CNBD1: variants seen among roughly 807,000 people sequenced by gnomAD.
CNBD1 encodes the protein cyclic nucleotide-binding domain-containing protein 1.
A neutral mutation model predicts 54.4 loss-of-function variants in CNBD1; 71 were observed. The observed-to-expected ratio is 1.30, with a 90% CI of 1.08 to 1.59. CNBD1 has a LOEUF of 1.59. Ranked by LOEUF, CNBD1 falls within the 40% of genes most tolerant of loss-of-function variation. The probability of loss-of-function intolerance (pLI) is 0.00; values close to 1 mark genes in which losing one functional copy is unlikely to be tolerated. For missense variants in CNBD1, 659 were observed against 518.0 expected (o/e 1.27, Z -2.64); for synonymous variants, 182 against 170.7 (o/e 1.07, Z -0.51).
chr8:86,877,768 T>C (rs1346147133), intron 1 of CNBD1, among the ~76,000 whole-genome samples: 2 of 152,180 alleles, frequency 1.3e-5, no homozygotes, highest in Admixed American at 6.5e-5. Context: ...ATTATATCTT[T>C]GAGCATTTTT....
At chr8:87,271,342 C>T (rs1018922149) in intron 6 of CNBD1, among the ~76,000 whole-genome samples, 8 of 151,446 alleles carry the variant, frequency 5.3e-5, no homozygotes, top group Non-Finnish European at 1.0e-4. Context: ...TCATTATGTT[C>T]TTTATTTGAA....
rs779280180 is a variant in CNBD1, at chr8:86,995,038, G to A, written c.431+55284G>A. 3.9e-5 allele frequency among the ~76,000 whole-genome samples: 6 copies of A among 152,096 alleles called. No homozygotes were observed. In the East Asian group the frequency reaches 1.2e-3, roughly 29 times the overall value. On this transcript the variant is annotated intron_variant, in intron 4 of 10. Transcript: ENST00000518476. ...AAAATGAAGGAACAACTTGTATGAG[G>A]ATCTTTAGATGAGAATGCTTTTAGA...
chr8:87,238,419 A>G (rs924100164), intron 6 of CNBD1, among the ~76,000 whole-genome samples: 3 of 152,130 alleles, frequency 2.0e-5, no homozygotes, highest in African/African-American at 7.2e-5. Context: ...AACAGACCCA[A>G]ACCAAAACTT....
intron 8 of CNBD1, among the ~76,000 whole-genome samples, chr8:87,327,009 T>C (rs1470484912): frequency 6.7e-6 from 1 of 149,156 alleles, no homozygotes; most frequent in African/African-American, 2.5e-5. Context: ...TGTTTGTTAG[T>C]TTTCCTTCTA....
chr8:87,259,132 A>C lies in CNBD1; in HGVS notation c.771+22020A>C, dbSNP rs187223267. On this transcript the variant is annotated intron_variant, in intron 6 of 10. Coordinates refer to ENST00000518476, the MANE Select transcript of CNBD1 (RefSeq NM_173538.3). ...TAACAATTTTCACTTTTGGTGCATA[A>C]ATTTTCTTTTATAAATCCTTTCACA... Among the ~76,000 whole-genome samples, 52 of 152,180 alleles carry C rather than the reference A, an allele frequency of 3.4e-4. 1 individual carries two copies. The East Asian group carries it at 9.3e-3, about 27-fold the overall frequency.
intron 8 of CNBD1, among the ~76,000 whole-genome samples, chr8:87,309,819 A>G (rs10106158): frequency 0.98 from 149,167 of 152,160 alleles, 73,134 homozygotes; most frequent in East Asian, 1. Flanking sequence ...TACCATATTG[A>G]AAGTCCTAGC....
intron 2 of CNBD1, among the ~76,000 whole-genome samples, chr8:87,428,192 A>G (rs1228987595): frequency 6.6e-6 from 1 of 152,098 alleles, no homozygotes; most frequent in Non-Finnish European, 1.5e-5. Context: ...CAAAAAACCC[A>G]AATATCTAGT....
chr8:87,389,905 G>C (rs1342650492), intron 2 of CNBD1, among the ~76,000 whole-genome samples: 1 of 152,110 alleles, frequency 6.6e-6, no homozygotes, highest in Non-Finnish European at 1.5e-5. Flanking sequence ...CAGAGATATA[G>C]ACCAATGGAA....
At chr8:87,367,131 C>T (rs909572966) in intron 10 of CNBD1, among the ~76,000 whole-genome samples, 1 of 152,014 alleles carries the variant, frequency 6.6e-6, no homozygotes, top group Non-Finnish European at 1.5e-5. Flanking sequence ...TTATATGTGG[C>T]CTACATAGGA....
chr8:87,370,176 C>T (rs555471132), intron 10 of CNBD1, among the ~76,000 whole-genome samples: 3,470 of 151,308 alleles, frequency 0.023, 132 homozygotes, highest in African/African-American at 0.077. Flanking sequence ...TGAATAGTGC[C>T]GCAATAAACA....
chr8:87,082,286 A>G (rs1297886640), intron 4 of CNBD1, among the ~76,000 whole-genome samples: 3 of 151,926 alleles, frequency 2.0e-5, no homozygotes, highest in Non-Finnish European at 4.4e-5. Flanking sequence ...TTTAACTGTA[A>G]TTTTCCACTA....
intron 5 of CNBD1, among the ~76,000 whole-genome samples, chr8:87,214,660 A>G (rs1205101407): frequency 6.6e-6 from 1 of 152,226 alleles, no homozygotes; most frequent in Non-Finnish European, 1.5e-5. Flanking sequence ...TAAAAGAAAG[A>G]GATTTAATAA....
At position 87,004,116 on chromosome 8, in the gene CNBD1, G is replaced by A. The variant is rs117534146; in HGVS notation, c.431+64362G>A. On this transcript the variant is annotated intron_variant, in intron 4 of 10. Coordinates refer to ENST00000518476, the MANE Select transcript of CNBD1 (RefSeq NM_173538.3). ...TAGTGAATATCAATGAACTATTGGTGCAATGATTTATAAATTGCTGGAGAC... is the reference window on the plus strand; with the variant it reads ...TAGTGAATATCAATGAACTATTGGTACAATGATTTATAAATTGCTGGAGAC... Among the ~76,000 whole-genome samples the A allele has an allele frequency of 1.7e-4, 26 of 152,262 alleles. No homozygotes were observed. In the East Asian group the frequency reaches 4.6e-3, roughly 27 times the overall value.
At chr8:86,886,461 A>T (rs1808682201) in intron 1 of CNBD1, among the ~76,000 whole-genome samples, 1 of 152,160 alleles carries the variant, frequency 6.6e-6, no homozygotes, top group Admixed American at 6.6e-5. Flanking sequence ...ATATGGATAT[A>T]TATGATATGA....
intron 10 of CNBD1, among the ~76,000 whole-genome samples, chr8:87,371,316 G>A (rs1810788373): frequency 6.6e-6 from 1 of 151,888 alleles, no homozygotes; most frequent in African/African-American, 2.4e-5. Flanking sequence ...AATTACCTTG[G>A]GCAGTATGGC....
intron 4 of CNBD1, among the ~76,000 whole-genome samples, chr8:87,018,084 A>G (rs1809405512): frequency 6.6e-6 from 1 of 152,062 alleles, no homozygotes; most frequent in Non-Finnish European, 1.5e-5. Context: ...TCTCTACTGA[A>G]AATGCAAAAT....
intron 5 of CNBD1, among the ~76,000 whole-genome samples, chr8:87,233,365 G>A (rs1752581303): frequency 6.6e-6 from 1 of 152,092 alleles, no homozygotes; most frequent in Non-Finnish European, 1.5e-5. Flanking sequence ...TGAATATCAC[G>A]ATAATGTGAG....
intron 4 of CNBD1, among the ~76,000 whole-genome samples, chr8:87,011,863 T>A (rs1394536307): frequency 1.3e-5 from 2 of 152,144 alleles, no homozygotes; most frequent in Non-Finnish European, 2.9e-5. Flanking sequence ...CTCCGATAAT[T>A]GATACTAAGA....
chr8:87,204,178 G>A (rs146149567), intron 4 of CNBD1, among the ~76,000 whole-genome samples: 118 of 152,230 alleles, frequency 7.8e-4, no homozygotes, highest in Middle Eastern at 6.8e-3. Context: ...GTATTTCAGT[G>A]GTACAGATGC....
Sources: gnomAD v4.1 joint callset for allele counts (sites outside exome capture counted in the v4.1 genomes callset) on GRCh38, gnomAD v4.1.1 for gene constraint, MANE v1.5 for transcripts, NCBI Gene and HGNC (gene_info 2026-07-23, HGNC 2026-07-21) for gene names.